Variants in PPARGC1A observed in about 807,000 individuals in gnomAD.
PPARGC1A encodes PPARG coactivator 1 alpha.
A neutral mutation model predicts 88.7 loss-of-function variants in PPARGC1A; 25 were observed. The observed-to-expected ratio is 0.28, with a 90% CI of 0.21 to 0.39. PPARGC1A has a LOEUF of 0.39. Ranked by LOEUF, PPARGC1A falls within the 10% of genes least tolerant of loss-of-function variation. PPARGC1A has a pLI of 1.00. For missense variants in PPARGC1A, 880 were observed against 968.7 expected, an observed-to-expected ratio of 0.91 and a Z score of 1.22; for synonymous variants, 363 against 355.6, an observed-to-expected ratio of 1.02 and a Z score of -0.24.
the PPARGC1A span, among the ~76,000 whole-genome samples, chr4:24,347,905 G>C: frequency 6.6e-6 from 1 of 152,016 alleles, no homozygotes; most frequent in Non-Finnish European, 1.5e-5. Context: ...GCTTTAAAGA[G>C]GTTCTGTTTT....
chr4:24,248,560 A>G, the PPARGC1A span, among the ~76,000 whole-genome samples: 5 of 152,146 alleles, frequency 3.3e-5, no homozygotes, highest in East Asian at 9.6e-4. Context: ...ACAGAGAACG[A>G]AAGTGTCATA....
At chr4:23,831,170 G>T (rs1334213759) in intron 3 of PPARGC1A, among the ~76,000 whole-genome samples, 1 of 152,072 alleles carries the variant, frequency 6.6e-6, no homozygotes, top group East Asian at 1.9e-4. Flanking sequence ...GAACCCATAT[G>T]CTCATGATAT....
At chr4:24,223,471 A>C in the PPARGC1A span, among the ~76,000 whole-genome samples, 1 of 152,090 alleles carries the variant, frequency 6.6e-6, no homozygotes, top group South Asian at 2.1e-4. Flanking sequence ...GCTGGTCTTG[A>C]ACTCCTGACC....
At chr4:24,065,893 A>G in the PPARGC1A span, among the ~76,000 whole-genome samples, 1 of 152,158 alleles carries the variant, frequency 6.6e-6, no homozygotes, top group East Asian at 1.9e-4. Context: ...AGGCAATGGA[A>G]GGAAATTAGG....
At chr4:24,388,084 T>C in the PPARGC1A span, among the ~76,000 whole-genome samples, 1 of 151,684 alleles carries the variant, frequency 6.6e-6, no homozygotes, top group African/African-American at 2.4e-5. Context: ...TTTTGCAATC[T>C]ATCCATCTGA....
the PPARGC1A span, among the ~76,000 whole-genome samples, chr4:24,105,923 G>A: frequency 5.3e-5 from 8 of 152,042 alleles, no homozygotes; most frequent in African/African-American, 1.7e-4. Flanking sequence ...AATTGTTGAC[G>A]GCAAACATTT....
chr4:24,281,019 C>CA, the PPARGC1A span, among the ~76,000 whole-genome samples: 9 of 152,194 alleles, frequency 5.9e-5, no homozygotes, highest in Admixed American at 5.9e-4. Context: ...AGTGGGCTGT[C>CA]AGGCAGCCAC....
At chr4:24,330,761 G>C in the PPARGC1A span, among the ~76,000 whole-genome samples, 1 of 152,182 alleles carries the variant, frequency 6.6e-6, no homozygotes, top group Non-Finnish European at 1.5e-5. Flanking sequence ...CAGCTGGGAA[G>C]GGGTGGAGCT....
the PPARGC1A span, among the ~76,000 whole-genome samples, chr4:24,251,465 G>A: frequency 2.6e-5 from 4 of 152,142 alleles, no homozygotes; most frequent in Middle Eastern, 3.4e-3. Flanking sequence ...CCGCTTTTTC[G>A]GGGTACTCTT....
intron 2 of PPARGC1A, among the ~76,000 whole-genome samples, chr4:23,858,333 A>G (rs574132720): frequency 6.6e-6 from 1 of 152,298 alleles, no homozygotes; most frequent in African/African-American, 2.4e-5. Flanking sequence ...ACATTTTCAC[A>G]CATGATAGGT....
chr4:24,150,629 C>T, the PPARGC1A span, among the ~76,000 whole-genome samples: 2 of 152,134 alleles, frequency 1.3e-5, no homozygotes, highest in South Asian at 4.2e-4. Context: ...AAAAACCCCG[C>T]CTACTGCACA....
chr4:24,042,401 T>A, the PPARGC1A span, among the ~76,000 whole-genome samples: 1 of 152,220 alleles, frequency 6.6e-6, no homozygotes, highest in South Asian at 2.1e-4. Context: ...TTTCTATAGA[T>A]GAAAGAAAGC....
the PPARGC1A span, among the ~76,000 whole-genome samples, chr4:24,089,933 G>A: frequency 6.6e-6 from 1 of 152,222 alleles, no homozygotes; most frequent in Non-Finnish European, 1.5e-5. Context: ...AACAGCACAG[G>A]CAATATTTTC....
chr4:24,193,800 A>G, the PPARGC1A span, among the ~76,000 whole-genome samples: 2 of 152,134 alleles, frequency 1.3e-5, no homozygotes, highest in Non-Finnish European at 2.9e-5. Flanking sequence ...AGAGTCAAGC[A>G]CAGTGCCTCC....
intron 1 of PPARGC1A, among the ~76,000 whole-genome samples, 199 bp downstream of exon 1, chr4:23,889,705 T>A (rs1717516158): frequency 6.6e-6 from 1 of 152,162 alleles, no homozygotes. Flanking sequence ...AAGCTTTGAT[T>A]TGCTCAAGCC....
the PPARGC1A span, among the ~76,000 whole-genome samples, chr4:24,443,985 A>T: frequency 6.6e-6 from 1 of 152,200 alleles, no homozygotes; most frequent in Non-Finnish European, 1.5e-5. Context: ...CAAGGAGTAA[A>T]GTTGTTGCAA....
At chr4:24,457,104 G>T in the PPARGC1A span, among the ~76,000 whole-genome samples, 1 of 152,166 alleles carries the variant, frequency 6.6e-6, no homozygotes, top group Non-Finnish European at 1.5e-5. Flanking sequence ...GGAGGTATGG[G>T]ATCATACAGT....
At chr4:23,877,844 T>G (rs1715113316) in intron 2 of PPARGC1A, 1 of 152,336 alleles carries the variant, frequency 6.6e-6, no homozygotes, top group Non-Finnish European at 1.5e-5. Flanking sequence ...GTGAGTCATC[T>G]GCTGGGCTGT....
the PPARGC1A span, among the ~76,000 whole-genome samples, chr4:24,007,317 G>C: frequency 6.6e-6 from 1 of 152,116 alleles, no homozygotes; most frequent in Non-Finnish European, 1.5e-5. Flanking sequence ...TCAGTGACAA[G>C]TGCTACTCTA....
Sources: gnomAD v4.1 joint callset for allele counts (sites outside exome capture counted in the v4.1 genomes callset) on GRCh38, gnomAD v4.1.1 for gene constraint, MANE v1.5 for transcripts, NCBI Gene and HGNC (gene_info 2026-07-23, HGNC 2026-07-21) for gene names.